FAM90A20: variants seen among roughly 807,000 people sequenced by gnomAD.
The protein encoded by FAM90A20 is protein FAM90A20.
At chr8:7,295,575 G>T in the FAM90A20 span, 2 of 671,030 alleles carry the variant, frequency 3.0e-6, no homozygotes, top group South Asian at 1.5e-5. Flanking sequence ...GTTAACGTGG[G>T]ATCGCTGCCT....
chr8:7,296,479 G>C, the FAM90A20 span: 1 of 666,830 alleles, frequency 1.5e-6, no homozygotes, highest in Non-Finnish European at 2.7e-6. Flanking sequence ...GTCTGCGGGA[G>C]GAAATCGGGG....
chr8:7,298,011 C>G, the FAM90A20 span: 1 of 679,618 alleles, frequency 1.5e-6, no homozygotes. Context: ...GACAGCGATT[C>G]TGACCTGGAG....
the FAM90A20 span, chr8:7,297,625 A>G: frequency 7.1e-7 from 1 of 1,414,594 alleles, no homozygotes; most frequent in East Asian, 2.3e-5. Context: ...AGAATCTCCA[A>G]CCTCCACCAG....
At chr8:7,297,198 G>C in the FAM90A20 span, 6 of 1,536,090 alleles carry the variant, frequency 3.9e-6, no homozygotes, top group Admixed American at 6.7e-5. Flanking sequence ...AGAAAAGCCA[G>C]TCTGAGCTCC....
the FAM90A20 span, chr8:7,295,909 G>C: frequency 1.7e-6 from 1 of 594,758 alleles, no homozygotes. Context: ...TGCACACCGT[G>C]TGCCTTTCCG....
At chr8:7,296,284 T>G in the FAM90A20 span, 1 of 727,246 alleles carries the variant, frequency 1.4e-6, no homozygotes. Flanking sequence ...TTTTCTGTTC[T>G]GCAGGCAACA....
the FAM90A20 span, chr8:7,297,797 C>G: frequency 8.0e-7 from 1 of 1,249,168 alleles, no homozygotes; most frequent in Non-Finnish European, 1.1e-6. Flanking sequence ...TGATGGGGCC[C>G]AGCCTCTCAG....
the FAM90A20 span, chr8:7,297,579 A>G: frequency 4.0e-6 from 6 of 1,511,704 alleles, 1 homozygote; most frequent in Non-Finnish European, 5.3e-6. Flanking sequence ...CAGATCCCCG[A>G]AAGCACCATC....
the FAM90A20 span, chr8:7,297,884 A>T: frequency 1.3e-6 from 1 of 761,768 alleles, no homozygotes; most frequent in Non-Finnish European, 2.2e-6. Flanking sequence ...CTCTCCTGAG[A>T]AGCCGGGAGC....
chr8:7,297,091 A>T, the FAM90A20 span: 7 of 1,510,380 alleles, frequency 4.6e-6, no homozygotes, highest in African/African-American at 2.0e-5. Context: ...CGGTCCACAC[A>T]ACCTGTAAGA....
chr8:7,296,373 C>G, the FAM90A20 span: 34 of 744,720 alleles, frequency 4.6e-5, 3 homozygotes, highest in Middle Eastern at 1.4e-3. Context: ...GAAAAGGATC[C>G]ACGGAATCTT....
At chr8:7,296,482 A>T in the FAM90A20 span, 1 of 667,332 alleles carries the variant, frequency 1.5e-6, no homozygotes, top group East Asian at 2.8e-5. Flanking sequence ...TGCGGGAGGA[A>T]ATCGGGGAAC....
the FAM90A20 span, chr8:7,297,439 C>G: frequency 8.4e-6 from 13 of 1,555,152 alleles, no homozygotes; most frequent in Non-Finnish European, 8.7e-7. Context: ...CACAGCCCTG[C>G]CCATCAGCCG....
At chr8:7,295,797 A>G in the FAM90A20 span, 8 of 1,166,034 alleles carry the variant, frequency 6.9e-6, 2 homozygotes, top group African/African-American at 7.9e-5. Flanking sequence ...GGGCCCTTGA[A>G]CAAGGATAAG....
the FAM90A20 span, chr8:7,297,115 C>A: frequency 2.5e-5 from 38 of 1,506,304 alleles, 6 homozygotes; most frequent in African/African-American, 1.6e-4. Flanking sequence ...CGCGCATGGA[C>A]CCTGTCCTCT....
At chr8:7,297,443 T>A in the FAM90A20 span, 5 of 1,553,202 alleles carry the variant, frequency 3.2e-6, no homozygotes, top group Non-Finnish European at 4.3e-6. Flanking sequence ...GCCCTGCCCA[T>A]CAGCCGCCAC....
At chr8:7,295,478 C>T in the FAM90A20 span, among the ~76,000 whole-genome samples, 17 of 116,130 alleles carry the variant, frequency 1.5e-4, 1 homozygote, top group East Asian at 3.4e-3. Context: ...ACATCGTATC[C>T]GAACTCTCCC....
the FAM90A20 span, among the ~76,000 whole-genome samples, chr8:7,296,699 T>C: frequency 7.4e-6 from 1 of 135,586 alleles, no homozygotes; most frequent in South Asian, 2.2e-4. Context: ...CCCAGGAACA[T>C]GCATGTGTTC....
At chr8:7,297,337 C>T in the FAM90A20 span, 10 of 1,386,968 alleles carry the variant, frequency 7.2e-6, no homozygotes, top group Non-Finnish European at 1.0e-5. Flanking sequence ...CTGAGGGTAG[C>T]TGCCGAGAAG....
Sources: allele counts gnomAD v4.1 joint callset (sites outside exome capture counted in the v4.1 genomes callset), GRCh38; gene constraint gnomAD v4.1.1; transcripts MANE v1.5; gene names NCBI Gene and HGNC (gene_info 2026-07-23, HGNC 2026-07-21).